Variants in MACROH2A2 observed in about 807,000 individuals in gnomAD.
The protein encoded by MACROH2A2 is core histone macro-H2A.2.
A neutral mutation model predicts 37.6 loss-of-function variants in MACROH2A2; 6 were observed. The observed-to-expected ratio is 0.16, with a 90% confidence interval of 0.09 to 0.32. The LOEUF (loss-of-function observed/expected upper bound fraction) is 0.32, where lower values mean the gene tolerates loss of function less well. Ranked by LOEUF, MACROH2A2 falls within the 10% of genes least tolerant of loss-of-function variation. The pLI is 1.00. For missense variants in MACROH2A2, 290 were observed against 485.9 expected (o/e 0.60, Z 3.79); for synonymous variants, 192 against 202.7 (o/e 0.95, Z 0.45).
Position 70,075,614 on chromosome 10 carries a change from C to T in MACROH2A2, c.-45C>T, listed in dbSNP as rs1468259126. On this transcript the variant is annotated 5_prime_UTR_variant, in exon 2 of 9. Transcript: ENST00000373255. The surrounding 1 kb of genome is among the most constrained non-coding windows in gnomAD (Gnocchi z 5.0). ...TTCCTTTTTAGCATTGTGTTAGTGCCGGGAGGCCACTGTGTCAGCAAGCTG... is the reference window on the plus strand; with the variant it reads ...TTCCTTTTTAGCATTGTGTTAGTGCTGGGAGGCCACTGTGTCAGCAAGCTG... The T allele has an allele frequency of 6.3e-6, 10 of 1,588,700 alleles. No homozygotes were observed. The highest frequency in any genetic ancestry group is 4.0e-5 in the African/African-American group (3 of 74,458).
At chr10:70,108,292 C>T (rs1019519691) in intron 7 of MACROH2A2, among the ~76,000 whole-genome samples, 8 of 152,184 alleles carry the variant, frequency 5.3e-5, no homozygotes, top group East Asian at 1.9e-4. Context: ...CCACAAAGTT[C>T]GTGGCTTCAG....
chr10:70,094,991 G>A (rs1469042606), intron 5 of MACROH2A2, among the ~76,000 whole-genome samples: 3 of 152,210 alleles, frequency 2.0e-5, no homozygotes, highest in African/African-American at 7.2e-5. Flanking sequence ...GGGCTTCCTT[G>A]CAGGAGCTTC....
At chr10:70,083,698 T>C (rs909572353) in intron 2 of MACROH2A2, among the ~76,000 whole-genome samples, 33 of 151,360 alleles carry the variant, frequency 2.2e-4, no homozygotes, top group Non-Finnish European at 4.4e-4. Context: ...GTGATCATGA[T>C]GCCAGAGCCA....
At chr10:70,105,899 A>G (rs1467484561) in intron 7 of MACROH2A2, among the ~76,000 whole-genome samples, 1 of 152,154 alleles carries the variant, frequency 6.6e-6, no homozygotes, top group African/African-American at 2.4e-5. Flanking sequence ...GGCCCCAGAA[A>G]GGTCATGAGG....
intron 1 of MACROH2A2, among the ~76,000 whole-genome samples, chr10:70,068,940 A>C (rs2072093609): frequency 6.6e-6 from 1 of 152,246 alleles, no homozygotes; most frequent in Non-Finnish European, 1.5e-5. Flanking sequence ...TTTCTTGTTC[A>C]ATAATAAATG....
intron 2 of MACROH2A2, among the ~76,000 whole-genome samples, chr10:70,078,513 A>G (rs903291773): frequency 2.0e-5 from 3 of 152,174 alleles, no homozygotes; most frequent in Non-Finnish European, 2.9e-5. Context: ...GTCGGTTCCA[A>G]TCGGGATGAC....
rs374892106 is a variant in MACROH2A2 at position 70,109,664 on chromosome 10, C to T, written c.953+457C>T. On this transcript the variant is annotated intron_variant, in intron 8 of 8. Transcript: ENST00000373255. ...ATGTCAGAATGCAGAATCTCAGGCC[C>T]CCCATCTCCGACCTCTGGCTCCAGA... 1.8e-4 allele frequency among the ~76,000 whole-genome samples: 27 copies of T among 152,318 alleles called. No homozygotes were observed. In the East Asian group the frequency reaches 4.8e-3, roughly 27 times the overall value.
At chr10:70,060,301 C>A (rs2072043305) in intron 1 of MACROH2A2, among the ~76,000 whole-genome samples, 1 of 151,612 alleles carries the variant, frequency 6.6e-6, no homozygotes, top group Admixed American at 6.6e-5. Flanking sequence ...ACCAGGGAGG[C>A]AGAAGTTGCA....
At chr10:70,065,224 G>A (rs1342884602) in intron 1 of MACROH2A2, among the ~76,000 whole-genome samples, 3 of 151,754 alleles carry the variant, frequency 2.0e-5, no homozygotes, top group Admixed American at 1.3e-4. Flanking sequence ...TTACAGGCAC[G>A]CACCACCACG....
chr10:70,110,857 T>A (rs1265875749), intron 8 of MACROH2A2, among the ~76,000 whole-genome samples: 1 of 151,860 alleles, frequency 6.6e-6, no homozygotes, highest in Non-Finnish European at 1.5e-5. Flanking sequence ...CACTGCACTC[T>A]AGCCTGAGTG....
At position 70,075,745 on chromosome 10, in the gene MACROH2A2, G is replaced by A; in HGVS notation, c.87G>A (p.Met29Ile). ...TCATCTTTCCAGTGGGGAGGCTGATGCGTTATCTGAAGAAAGGGACGTTCA... is the reference window on the plus strand; with the variant it reads ...TCATCTTTCCAGTGGGGAGGCTGATACGTTATCTGAAGAAAGGGACGTTCA... ...AGVIFPVGRL[M>I]RYLKKGTFKY... is the part of the protein sequence containing the mutation. The change falls in exon 2 of 9, where the codon ATG (methionine) becomes ATA (isoleucine). Residue 29 changes from methionine (M) to isoleucine (I), a missense_variant. Around this residue, in one of 3 missense-constraint regions of MACROH2A2, gnomAD observed 83 missense variants for 159.9 expected, o/e 0.52. Coordinates refer to ENST00000373255, the MANE Select transcript of MACROH2A2 (RefSeq NM_018649.3). This position sits in a 1 kb window ranked among gnomAD's most constrained non-coding sequence, Gnocchi z 5.0. The A allele has an allele frequency of 6.2e-7, 1 of 1,614,130 alleles. No homozygotes were observed. Among genetic ancestry groups the A allele is most frequent in the Non-Finnish European group, 8.5e-7 (1 of 1,179,966 alleles).
At chr10:70,083,384 C>T (rs896212876) in intron 2 of MACROH2A2, among the ~76,000 whole-genome samples, 22 of 152,322 alleles carry the variant, frequency 1.4e-4, no homozygotes, top group African/African-American at 5.1e-4. Context: ...GCAAGCAGTG[C>T]TCTTCACCCC....
chr10:70,069,760 T>A (rs980651819), intron 1 of MACROH2A2, among the ~76,000 whole-genome samples: 2 of 152,174 alleles, frequency 1.3e-5, no homozygotes, highest in Non-Finnish European at 2.9e-5. Context: ...GCAATGGTTC[T>A]TTTTAGACAG....
At chr10:70,108,687 T>C (rs1209772254) in intron 7 of MACROH2A2, among the ~76,000 whole-genome samples, 1 of 152,158 alleles carries the variant, frequency 6.6e-6, no homozygotes, top group Admixed American at 6.5e-5. Flanking sequence ...TGGGATGCCA[T>C]TACTTTACCT....
chr10:70,070,590 C>G (rs953845839), intron 1 of MACROH2A2, among the ~76,000 whole-genome samples: 5 of 152,150 alleles, frequency 3.3e-5, no homozygotes, highest in African/African-American at 9.7e-5. Flanking sequence ...CTCCTGGGTT[C>G]AAGTGATTCT....
Position 70,091,867 on chromosome 10 carries a change from A to G in MACROH2A2, c.390A>G (p.Pro130=), listed in dbSNP as rs746900531. Residue 130 remains proline, a synonymous_variant, in exon 4 of 9, where the codon CCA becomes CCG. Coordinates refer to ENST00000373255, the MANE Select transcript of MACROH2A2 (RefSeq NM_018649.3). The part of the protein sequence containing the change: ...TKGKSETILS[P]PPEKRGRKAT... ...GCAAGTCGGAAACGATCCTCTCCCC[A>G]CCCCCAGAGAAAAGAGGCAGGAAGG... is the stretch of plus-strand genomic sequence containing the variant. The G allele has an allele frequency of 3.1e-6, 5 of 1,613,766 alleles. No individual in the cohort carries two copies. The highest frequency in any genetic ancestry group is 4.2e-6 in the Non-Finnish European group (5 of 1,179,904).
At chr10:70,097,222 CCTGGA>C (rs1326405356) in intron 6 of MACROH2A2, among the ~76,000 whole-genome samples, 20 of 152,040 alleles carry the variant, frequency 1.3e-4, no homozygotes, top group African/African-American at 4.1e-4. Context: ...GGTCGGCCTG[CCTGGA>C]CTGTCCCAGC....
intron 7 of MACROH2A2, among the ~76,000 whole-genome samples, chr10:70,100,787 T>A (rs1039451241): frequency 2.0e-5 from 3 of 152,054 alleles, no homozygotes; most frequent in African/African-American, 7.2e-5. Context: ...TGGCTAGTGT[T>A]TGTATTTTTA....
At chr10:70,061,962 T>A (rs941363371) in intron 1 of MACROH2A2, among the ~76,000 whole-genome samples, 1 of 152,224 alleles carries the variant, frequency 6.6e-6, no homozygotes, top group African/African-American at 2.4e-5. Flanking sequence ...AGTATTATAC[T>A]ATAATGATTT....
Sources: allele counts gnomAD v4.1 joint callset (sites outside exome capture counted in the v4.1 genomes callset), GRCh38; gene constraint gnomAD v4.1.1; regional missense constraint gnomAD v4.1.1; non-coding constraint Gnocchi (gnomAD v3.1); transcripts MANE v1.5; gene names NCBI Gene and HGNC (gene_info 2026-07-23, HGNC 2026-07-21).